Variants in RBFOX1 observed in about 807,000 individuals in gnomAD.
The protein encoded by RBFOX1 is RNA binding fox-1 homolog 1.
Under a neutral mutation model 57.7 loss-of-function variants are expected in RBFOX1, and 8 were observed. The ratio of observed to expected loss-of-function variants is 0.14; its 90% CI spans 0.08 to 0.25. RBFOX1 has a LOEUF of 0.25. Among genes scored for constraint, RBFOX1 ranks in the 10% least tolerant of loss-of-function variants. The pLI is 1.00. For synonymous variants in RBFOX1, 326 were observed against 222.4 expected, an observed-to-expected ratio of 1.47 and a Z score of -4.15; for missense variants, 611 against 548.5, an observed-to-expected ratio of 1.11 and a Z score of -1.14.
intron 3 of RBFOX1, among the ~76,000 whole-genome samples, chr16:6,748,221 G>A (rs1329450836): frequency 6.6e-6 from 1 of 151,964 alleles, no homozygotes; most frequent in Non-Finnish European, 1.5e-5. Flanking sequence ...GTACCATGCT[G>A]TGCATAAATT....
chr16:6,205,229 C>G (rs2097246899), intron 1 of RBFOX1, among the ~76,000 whole-genome samples: 1 of 152,088 alleles, frequency 6.6e-6, no homozygotes, highest in South Asian at 2.1e-4. Context: ...CTAGCTAGTT[C>G]CGAAGAGTCC....
At chr16:6,301,679 A>C (rs2078835050) in intron 1 of RBFOX1, among the ~76,000 whole-genome samples, 1 of 152,280 alleles carries the variant, frequency 6.6e-6, no homozygotes, top group South Asian at 2.1e-4. Flanking sequence ...TAAAAAAAGG[A>C]AAATTTTATA....
At chr16:6,676,969 C>T (rs991426112) in intron 3 of RBFOX1, among the ~76,000 whole-genome samples, 1 of 152,086 alleles carries the variant, frequency 6.6e-6, no homozygotes, top group Non-Finnish European at 1.5e-5. Flanking sequence ...AGCCACCATG[C>T]CCAGCCGTTA....
At chr16:6,268,069 T>G (rs1385799724) in intron 1 of RBFOX1, among the ~76,000 whole-genome samples, 2 of 152,212 alleles carry the variant, frequency 1.3e-5, no homozygotes. Flanking sequence ...GCTGAATGTA[T>G]TAATGGCCTT....
chr16:6,806,499 C>A (rs1468390935), intron 3 of RBFOX1, among the ~76,000 whole-genome samples: 3 of 151,838 alleles, frequency 2.0e-5, no homozygotes, highest in Admixed American at 6.6e-5. Context: ...CTATTCTGAC[C>A]AGTAAATAAA....
intron 3 of RBFOX1, among the ~76,000 whole-genome samples, chr16:7,002,810 A>T (rs965841205): frequency 6.6e-6 from 1 of 152,212 alleles, no homozygotes; most frequent in Non-Finnish European, 1.5e-5. Flanking sequence ...GTGTTGTGGT[A>T]GATGCTATAT....
intron 3 of RBFOX1, among the ~76,000 whole-genome samples, chr16:6,988,880 C>G (rs575616232): frequency 3.1e-4 from 47 of 151,896 alleles, no homozygotes; most frequent in African/African-American, 1.0e-3. Flanking sequence ...CAGTGATTCT[C>G]CCTGCCTTAG....
At chr16:5,994,426 T>C (rs1267528875) in intron 4 of RBFOX1, among the ~76,000 whole-genome samples, 1 of 152,162 alleles carries the variant, frequency 6.6e-6, no homozygotes, top group African/African-American at 2.4e-5. Context: ...CTTCCCAAAG[T>C]GCTGGGATTA....
chr16:6,734,283 G>A (rs1190517420), intron 3 of RBFOX1, among the ~76,000 whole-genome samples: 1 of 152,146 alleles, frequency 6.6e-6, no homozygotes, highest in Non-Finnish European at 1.5e-5. Flanking sequence ...GTGCATGCGA[G>A]GGCTGGTATA....
intron 2 of RBFOX1, among the ~76,000 whole-genome samples, chr16:6,516,488 T>C (rs959149068): frequency 6.6e-6 from 1 of 152,238 alleles, no homozygotes; most frequent in Non-Finnish European, 1.5e-5. Context: ...TATGTTCATA[T>C]GTTTAAAATG....
chr16:5,656,335 A>G (rs897293471), intron 3 of RBFOX1, among the ~76,000 whole-genome samples: 3 of 152,198 alleles, frequency 2.0e-5, no homozygotes, highest in East Asian at 3.9e-4. Flanking sequence ...TAAAATCGTT[A>G]TTTTTGTTGT....
At chr16:5,658,793 A>T (rs1225042059) in intron 3 of RBFOX1, among the ~76,000 whole-genome samples, 1 of 136,216 alleles carries the variant, frequency 7.3e-6, no homozygotes, top group African/African-American at 3.4e-5. Context: ...TATATATATA[A>T]TATATGTGTA....
chr16:7,535,687 T>A (rs1474909171), intron 5 of RBFOX1, among the ~76,000 whole-genome samples: 1 of 152,214 alleles, frequency 6.6e-6, no homozygotes, highest in African/African-American at 2.4e-5. Context: ...TAGTTTGGCA[T>A]CCCAAAATAC....
intron 4 of RBFOX1, among the ~76,000 whole-genome samples, chr16:5,881,853 T>G (rs1337160378): frequency 1.3e-5 from 2 of 152,172 alleles, no homozygotes; most frequent in East Asian, 3.9e-4. Flanking sequence ...TTATAAATAC[T>G]TACTATGCAC....
rs570647168 is a variant in RBFOX1, at chr16:5,753,747, G to A, written c.319-113556G>A. On this transcript the variant is annotated intron_variant, in intron 3 of 19. Transcript: ENST00000641259. ...TGGTTGTTAAGCGTTTACCAGCACAGCACTGCTCTCCCTTGTATAGGAGCC... is the reference window on the plus strand; with the variant it reads ...TGGTTGTTAAGCGTTTACCAGCACAACACTGCTCTCCCTTGTATAGGAGCC... 2.0e-5 allele frequency among the ~76,000 whole-genome samples: 3 copies of A among 152,154 alleles called. No homozygotes were observed. The South Asian group carries it at 6.2e-4, about 32-fold the overall frequency.
intron 3 of RBFOX1, among the ~76,000 whole-genome samples, chr16:6,935,666 A>G (rs1419345418): frequency 6.6e-6 from 1 of 152,180 alleles, no homozygotes; most frequent in East Asian, 1.9e-4. Flanking sequence ...TCTTAAATGT[A>G]ATGTGCCTTA....
At chr16:7,193,866 A>G (rs960585337) in intron 4 of RBFOX1, among the ~76,000 whole-genome samples, 5 of 152,094 alleles carry the variant, frequency 3.3e-5, no homozygotes, top group African/African-American at 9.7e-5. Flanking sequence ...TGAAAGAATG[A>G]CAGACTAAAA....
chr16:6,758,201 G>C (rs2076092951), intron 3 of RBFOX1, among the ~76,000 whole-genome samples: 1 of 152,164 alleles, frequency 6.6e-6, no homozygotes, highest in East Asian at 1.9e-4. Flanking sequence ...TGAGATCCAA[G>C]ATAACTTGGC....
At chr16:7,204,475 C>T (rs1327530696) in intron 4 of RBFOX1, among the ~76,000 whole-genome samples, 4 of 152,096 alleles carry the variant, frequency 2.6e-5, no homozygotes, top group African/African-American at 9.7e-5. Flanking sequence ...GACATTGTCT[C>T]TATAAAAATT....
Sources: gnomAD v4.1 joint callset for allele counts (sites outside exome capture counted in the v4.1 genomes callset) on GRCh38, gnomAD v4.1.1 for gene constraint, MANE v1.5 for transcripts, NCBI Gene and HGNC (gene_info 2026-07-23, HGNC 2026-07-21) for gene names.